The following KIAA1217 variants were observed in gnomAD, a reference collection of about 807,000 sequenced individuals.
KIAA1217 encodes KIAA1217.
Under a neutral mutation model 163.9 loss-of-function variants are expected in KIAA1217, and 88 were observed. The ratio of observed to expected loss-of-function variants is 0.54; its 90% confidence interval spans 0.45 to 0.64. KIAA1217 has a LOEUF of 0.64. KIAA1217 is among the 30% of genes least tolerant of loss of function. The pLI is 0.00. For synonymous variants in KIAA1217, 903 were observed against 923.1 expected (o/e 0.98, Z 0.39); for missense variants, 2,372 against 2,475.0 (o/e 0.96, Z 0.88).
chr10:24,135,529 T>C (rs942652315), intron 2 of KIAA1217, among the ~76,000 whole-genome samples: 1 of 151,554 alleles, frequency 6.6e-6, no homozygotes, highest in Non-Finnish European at 1.5e-5. Flanking sequence ...GGAGGAGACA[T>C]GCCAGCCAAA....
intron 1 of KIAA1217, among the ~76,000 whole-genome samples, chr10:24,210,725 C>A (rs1002525460): frequency 9.9e-5 from 15 of 152,138 alleles, no homozygotes; most frequent in East Asian, 7.7e-4. Flanking sequence ...ACTGTTTTAG[C>A]TGCCAGACAT....
chr10:23,731,674 T>C (rs1459376840), intron 1 of KIAA1217, among the ~76,000 whole-genome samples: 1 of 152,108 alleles, frequency 6.6e-6, no homozygotes, highest in Non-Finnish European at 1.5e-5. Context: ...CCTTGCCTTG[T>C]TTTTGATCTT....
At chr10:23,987,958 G>A (rs756092421) in intron 1 of KIAA1217, among the ~76,000 whole-genome samples, 3 of 152,174 alleles carry the variant, frequency 2.0e-5, no homozygotes, top group Admixed American at 6.5e-5. Context: ...ACCAAGGAGA[G>A]CTTTTGTTTA....
chr10:24,108,974 G>C lies in KIAA1217; in HGVS notation c.-171+101600G>C, dbSNP rs145723016. ...AGCCTCCCAAGTAGCTGGGATTACA[G>C]GCATGTGGCACCACACCCAGCTGTT... is the stretch of plus-strand genomic sequence containing the variant. On this transcript the variant is annotated intron_variant, in intron 2 of 18. Transcript: ENST00000376462. Among the ~76,000 whole-genome samples, 143 of 152,274 alleles carry C rather than the reference G, an allele frequency of 9.4e-4. 4 individuals are homozygous for C. In the East Asian group the frequency reaches 0.027, roughly 28 times the overall value.
chr10:24,244,163 A>G (rs2073471035), intron 2 of KIAA1217, among the ~76,000 whole-genome samples: 1 of 152,176 alleles, frequency 6.6e-6, no homozygotes, highest in Non-Finnish European at 1.5e-5. Context: ...TAAGTATTAC[A>G]TTATTCTCTT....
chr10:24,305,858 C>T (rs1337252477), intron 2 of KIAA1217, among the ~76,000 whole-genome samples: 1 of 151,922 alleles, frequency 6.6e-6, no homozygotes, highest in Admixed American at 6.6e-5. Flanking sequence ...GAGACCTCAG[C>T]CTGGAAGAAC....
intron 2 of KIAA1217, chr10:24,275,857 G>T: frequency 2.2e-6 from 1 of 445,874 alleles, no homozygotes. Flanking sequence ...ATCTGCAGGA[G>T]CAAACTATAG....
intron 8 of KIAA1217, among the ~76,000 whole-genome samples, chr10:24,498,250 G>A (rs1315145619): frequency 3.3e-5 from 5 of 152,168 alleles, no homozygotes; most frequent in African/African-American, 7.2e-5. Flanking sequence ...AAGGTTGGCA[G>A]AGGAAGGAGT....
At chr10:24,521,951 TG>T in intron 12 of KIAA1217, 22 bp downstream of exon 12, 2 of 1,597,546 alleles carry the variant, frequency 1.3e-6, no homozygotes, top group South Asian at 1.1e-5. Flanking sequence ...CTCATCGTGC[TG>T]GGGGTGGCCT....
At chr10:23,881,342 G>A (rs1470039355) in intron 1 of KIAA1217, among the ~76,000 whole-genome samples, 1 of 151,854 alleles carries the variant, frequency 6.6e-6, no homozygotes, top group African/African-American at 2.4e-5. Context: ...ACAATTAGTG[G>A]TTGCTAGAGT....
intron 2 of KIAA1217, among the ~76,000 whole-genome samples, chr10:24,065,283 G>A (rs916886291): frequency 6.2e-4 from 94 of 152,100 alleles, no homozygotes; most frequent in African/African-American, 2.2e-3. Context: ...GGCATTTAGT[G>A]CTATAAATTT....
intron 1 of KIAA1217, among the ~76,000 whole-genome samples, chr10:23,735,824 ATAAT>A (rs951503471): frequency 4.6e-5 from 7 of 152,340 alleles, no homozygotes; most frequent in African/African-American, 1.4e-4. Context: ...TTTAAAATGT[ATAAT>A]TAATCATATT....
intron 2 of KIAA1217, among the ~76,000 whole-genome samples, chr10:24,035,274 T>C (rs1309812675): frequency 1.3e-5 from 2 of 152,196 alleles, no homozygotes; most frequent in African/African-American, 2.4e-5. Flanking sequence ...GGGCATATAG[T>C]AAGTGTACAA....
At chr10:24,341,073 C>T (rs2047034151) in intron 2 of KIAA1217, among the ~76,000 whole-genome samples, 1 of 151,982 alleles carries the variant, frequency 6.6e-6, no homozygotes, top group Non-Finnish European at 1.5e-5. Flanking sequence ...CAATAGGCTG[C>T]CAAGTCCATA....
At position 24,063,495 on chromosome 10, in the gene KIAA1217, CTA is replaced by C. The variant is rs1038653563; in HGVS notation, c.-171+56125_-171+56126del. Reference sequence around the variant, plus strand: ...GAGGGCTCTGTTCTGTTCCATCGGTCTATATCCCTGTTTTGGTACCAGTACCA... The same window carrying C: ...GAGGGCTCTGTTCTGTTCCATCGGTCTATCCCTGTTTTGGTACCAGTACCA... On this transcript the variant is annotated intron_variant, in intron 2 of 18. Coordinates refer to the KIAA1217 transcript ENST00000376462. 8.5e-5 allele frequency among the ~76,000 whole-genome samples: 13 copies of C among 152,300 alleles called. 1 individual carries two copies. Among genetic ancestry groups the C allele is most frequent in the Admixed American group, 8.5e-4 (13 of 15,298 alleles).
At chr10:24,369,991 C>T (rs1370898519) in intron 2 of KIAA1217, among the ~76,000 whole-genome samples, 12 of 152,184 alleles carry the variant, frequency 7.9e-5, no homozygotes, top group Non-Finnish European at 1.2e-4. Context: ...CCTGGCCGGG[C>T]GCGGCGGCTC....
intron 6 of KIAA1217, among the ~76,000 whole-genome samples, chr10:24,490,603 C>T (rs1222255653): frequency 6.6e-6 from 1 of 152,202 alleles, no homozygotes; most frequent in Non-Finnish European, 1.5e-5. Context: ...ACCAGACACA[C>T]TTTGACGATT....
chr10:23,810,112 G>C (rs1391928323), intron 1 of KIAA1217, among the ~76,000 whole-genome samples: 1 of 151,792 alleles, frequency 6.6e-6, no homozygotes, highest in East Asian at 1.9e-4. Context: ...TGTTCCATAG[G>C]TTAGGTGTGT....
chr10:24,132,650 C>G (rs1372934390), intron 2 of KIAA1217, among the ~76,000 whole-genome samples: 3 of 152,114 alleles, frequency 2.0e-5, no homozygotes, highest in Non-Finnish European at 4.4e-5. Context: ...AAGTGAGGTA[C>G]CAGACCAAGG....
Sources: gnomAD v4.1 joint callset for allele counts (sites outside exome capture counted in the v4.1 genomes callset) on GRCh38, gnomAD v4.1.1 for gene constraint, MANE v1.5 for transcripts, NCBI Gene and HGNC (gene_info 2026-07-23, HGNC 2026-07-21) for gene names.